XKR6: variants seen among roughly 807,000 people sequenced by gnomAD.
The protein encoded by XKR6 is XK-related protein 6.
A neutral mutation model predicts 56.7 loss-of-function variants in XKR6; 22 were observed. The observed-to-expected ratio is 0.39, with a 90% CI of 0.28 to 0.55. The LOEUF (loss-of-function observed/expected upper bound fraction) is 0.55, where lower values mean the gene tolerates loss of function less well. Ranked by LOEUF, XKR6 falls within the 20% of genes least tolerant of loss-of-function variation. The pLI is 0.66. For missense variants in XKR6, 852 were observed against 889.0 expected (o/e 0.96, Z 0.53); for synonymous variants, 524 against 387.8 (o/e 1.35, Z -4.13).
At position 11,054,747 on chromosome 8, in the gene XKR6, G is replaced by C. The variant is rs1457532743; in HGVS notation, c.765-129917C>G. The stretch of plus-strand genomic sequence containing the variant: ...GAGGAAGGAAGTGTGGGTGGACGGG[G>C]TGTGATATTGCTGGTGTGGGTGAGG... On this transcript the variant is annotated intron_variant, in intron 1 of 2. Coordinates refer to ENST00000416569, the MANE Select transcript of XKR6 (RefSeq NM_173683.4). 4.6e-5 allele frequency among the ~76,000 whole-genome samples: 7 copies of C among 152,302 alleles called. 1 individual carries two copies. The highest frequency in any genetic ancestry group is 1.4e-4 in the African/African-American group (6 of 41,576).
At chr8:11,054,607 C>G (rs539859799) in intron 1 of XKR6, among the ~76,000 whole-genome samples, 1 of 152,218 alleles carries the variant, frequency 6.6e-6, no homozygotes, top group Non-Finnish European at 1.5e-5. Context: ...AGCCATGCTC[C>G]GGGAGGGACC....
intron 1 of XKR6, among the ~76,000 whole-genome samples, chr8:10,984,589 A>C (rs959373057): frequency 6.6e-6 from 1 of 151,832 alleles, no homozygotes; most frequent in Non-Finnish European, 1.5e-5. Flanking sequence ...AAAATAGTAA[A>C]GGAATATGAC....
intron 1 of XKR6, among the ~76,000 whole-genome samples, chr8:11,170,341 G>C (rs936844291): frequency 6.6e-6 from 1 of 152,234 alleles, no homozygotes; most frequent in African/African-American, 2.4e-5. Context: ...AAATGTGGTA[G>C]ATCCATCCAA....
intron 2 of XKR6, among the ~76,000 whole-genome samples, chr8:10,919,608 T>A (rs764316909): frequency 1.3e-5 from 2 of 152,212 alleles, no homozygotes; most frequent in African/African-American, 2.4e-5. Context: ...ACCCAAAAAG[T>A]ACTTGTTATT....
chr8:11,179,241 A>G (rs1273307435), intron 1 of XKR6, among the ~76,000 whole-genome samples: 3 of 152,180 alleles, frequency 2.0e-5, no homozygotes, highest in African/African-American at 7.2e-5. Flanking sequence ...GCATCTGGCT[A>G]GAAGACCCAC....
chr8:11,199,696 G>A (rs992474787), intron 1 of XKR6, among the ~76,000 whole-genome samples: 9 of 152,224 alleles, frequency 5.9e-5, no homozygotes, highest in African/African-American at 2.2e-4. Context: ...GGCCACGGCA[G>A]AAAGAACACC....
rs147017588 is a variant in XKR6, at chr8:10,970,641, C to T, written c.765-45811G>A. On this transcript the variant is annotated intron_variant, in intron 1 of 2. Transcript: ENST00000416569. ...CATTCCTGTGATTCTCAGTGTTTTTCCTCATCAGGGTGGATTGTTAATTCA... is the reference window on the plus strand; with the variant it reads ...CATTCCTGTGATTCTCAGTGTTTTTTCTCATCAGGGTGGATTGTTAATTCA... 4.2e-3 allele frequency among the ~76,000 whole-genome samples: 632 copies of T among 152,120 alleles called. 8 individuals carry two copies. Among genetic ancestry groups the T allele is most frequent in the African/African-American group, 0.014 (596 of 41,514 alleles).
In XKR6 at chr8:10,896,490, T is replaced by A. The variant is rs1341319813; in HGVS notation, c.*1462A>T. On this transcript the variant is annotated 3_prime_UTR_variant, in exon 3 of 3. Coordinates refer to ENST00000416569, the MANE Select transcript of XKR6 (RefSeq NM_173683.4). ...GATCCAAGTTCGTCTTACATCAGTT[T>A]TGTATATCTCTGGCAAGACTTTGCA... is the stretch of plus-strand genomic sequence containing the variant. The A allele has an allele frequency of 2.0e-5, 3 of 152,618 alleles. No homozygotes were observed. The East Asian group carries it at 5.8e-4, about 29-fold the overall frequency. 9.5% of individuals were successfully genotyped at this position (152,618 alleles called of 1,614,324 possible).
At chr8:10,940,585 A>G (rs542435751) in intron 1 of XKR6, among the ~76,000 whole-genome samples, 16 of 152,332 alleles carry the variant, frequency 1.1e-4, no homozygotes, top group African/African-American at 3.8e-4. Flanking sequence ...GCACCTGCAG[A>G]CGGCTGGTCC....
chr8:11,089,382 G>C (rs946128959), intron 1 of XKR6, among the ~76,000 whole-genome samples: 3 of 152,176 alleles, frequency 2.0e-5, no homozygotes, highest in East Asian at 3.8e-4. Flanking sequence ...TGTAATCCTA[G>C]TGTTTTAGTA....
intron 1 of XKR6, chr8:11,108,066 C>T (rs1434193651): frequency 1.5e-5 from 5 of 325,248 alleles, no homozygotes; most frequent in Admixed American, 1.4e-4. Flanking sequence ...TTCCAGTGAA[C>T]GATGTAACAG....
In XKR6 at chr8:10,898,824, T is replaced by A. The variant is rs1338161117; in HGVS notation, c.1054A>T (p.Met352Leu). The stretch of plus-strand genomic sequence containing the variant: ...TGGATGATGGCCCCTCTGTAGCTCA[T>A]GCTCTTCTTGTCGTCCCTGGAGTCC... ...LRDSRDDKKS[M>L]SYRGAIIQVF... is the part of the protein sequence containing the mutation. Residue 352 changes from methionine to leucine, a missense_variant, in exon 3 of 3, where the codon ATG (methionine) becomes TTG (leucine). By Grantham distance (15) the Met-to-Leu change is conservative. Coordinates refer to ENST00000416569, the MANE Select transcript of XKR6 (RefSeq NM_173683.4). This position sits in a 1 kb window ranked among gnomAD's most constrained non-coding sequence, Gnocchi z 6.6. 11 of 1,614,174 alleles carry A rather than the reference T, an allele frequency of 6.8e-6. No homozygotes were observed. The highest frequency in any genetic ancestry group is 9.3e-6 in the Non-Finnish European group (11 of 1,180,034).
intron 1 of XKR6, among the ~76,000 whole-genome samples, chr8:11,155,787 A>T (rs1245624909): frequency 6.6e-6 from 1 of 152,208 alleles, no homozygotes; most frequent in Non-Finnish European, 1.5e-5. Flanking sequence ...CACTGCAGTC[A>T]AAGTGATCTT....
intron 1 of XKR6, among the ~76,000 whole-genome samples, chr8:10,954,754 C>A (rs189877533): frequency 1.3e-5 from 2 of 151,586 alleles, no homozygotes; most frequent in East Asian, 3.9e-4. Flanking sequence ...TGAAGGTTTA[C>A]GCCTATGTTT....
intron 1 of XKR6, among the ~76,000 whole-genome samples, chr8:11,118,040 T>G (rs944001003): frequency 6.6e-6 from 1 of 152,178 alleles, no homozygotes; most frequent in Non-Finnish European, 1.5e-5. Flanking sequence ...AATAATGACG[T>G]TATTTACCAA....
At chr8:11,198,534 C>A (rs535098084) in intron 1 of XKR6, among the ~76,000 whole-genome samples, 1 of 151,822 alleles carries the variant, frequency 6.6e-6, no homozygotes, top group East Asian at 1.9e-4. Context: ...AAAAATACTA[C>A]CCTACATACA....
intron 1 of XKR6, among the ~76,000 whole-genome samples, chr8:11,041,407 C>T (rs1186652315): frequency 6.6e-6 from 1 of 151,922 alleles, no homozygotes; most frequent in African/African-American, 2.4e-5. Flanking sequence ...AATACAAAAA[C>T]TAGCTGGGCG....
intron 1 of XKR6, among the ~76,000 whole-genome samples, chr8:11,081,660 C>G (rs1322782232): frequency 1.3e-5 from 2 of 152,144 alleles, no homozygotes; most frequent in Non-Finnish European, 2.9e-5. Context: ...GCTCTGACTC[C>G]AAGTTCTGAT....
At chr8:11,099,482 G>T (rs1028124639) in intron 1 of XKR6, among the ~76,000 whole-genome samples, 1 of 152,238 alleles carries the variant, frequency 6.6e-6, no homozygotes, top group Non-Finnish European at 1.5e-5. Flanking sequence ...GCACTGCTGG[G>T]CAGGGCAGCC....
Sources: gnomAD v4.1 joint callset for allele counts (sites outside exome capture counted in the v4.1 genomes callset) on GRCh38, gnomAD v4.1.1 for gene constraint, Gnocchi (gnomAD v3.1) non-coding constraint, MANE v1.5 for transcripts, NCBI Gene and HGNC (gene_info 2026-07-23, HGNC 2026-07-21) for gene names.